Variants in NPNT observed in about 807,000 individuals in gnomAD.
NPNT encodes the protein nephronectin.
A neutral mutation model predicts 68.6 loss-of-function variants in NPNT; 45 were observed. The ratio of observed to expected loss-of-function variants is 0.66; its 90% CI spans 0.52 to 0.84. The LOEUF is 0.84. NPNT is among the 40% of genes least tolerant of loss of function. The pLI, the probability that NPNT is intolerant of heterozygous loss-of-function variation, is 0.00. For synonymous variants in NPNT, 233 were observed against 253.3 expected (o/e 0.92, Z 0.76); for missense variants, 672 against 714.8 (o/e 0.94, Z 0.68).
At chr4:105,909,140 A>G (rs1370864350) in intron 2 of NPNT, among the ~76,000 whole-genome samples, 1 of 152,188 alleles carries the variant, frequency 6.6e-6, no homozygotes, top group Non-Finnish European at 1.5e-5. Flanking sequence ...ATCATAGCTT[A>G]TGTTTAGTTG....
At chr4:105,916,739 T>A (rs879261898) in intron 2 of NPNT, among the ~76,000 whole-genome samples, 3 of 152,206 alleles carry the variant, frequency 2.0e-5, no homozygotes, top group Non-Finnish European at 4.4e-5. Flanking sequence ...TTATTTGTTC[T>A]GCTAGACTAT....
Position 105,969,197 on chromosome 4 carries a change from C to G in NPNT, c.*207C>G, listed in dbSNP as rs11733075. The G allele has an allele frequency of 0.01, 4,474 of 446,528 alleles. 34 individuals carry two copies. Among genetic ancestry groups the G allele is most frequent in the African/African-American group, 0.023 (1,178 of 51,488 alleles). 27.7% of individuals were successfully genotyped at this position (446,528 alleles called of 1,614,324 possible). On this transcript the variant is annotated 3_prime_UTR_variant, in exon 12 of 12. Transcript: ENST00000379987. ...TACCCTCCTTGAAATACAGGGGCAT[C>G]GCAGACACATCAAAGCCATCTGTGG...
intron 8 of NPNT, among the ~76,000 whole-genome samples, chr4:105,944,244 C>G (rs894528700): frequency 6.6e-6 from 1 of 152,132 alleles, no homozygotes; most frequent in African/African-American, 2.4e-5. Context: ...CCCCCTCTCT[C>G]CATCTCAGAT....
In NPNT at chr4:105,923,143, A is replaced by T. The variant is rs1454396134; in HGVS notation, c.173-4193A>T. Among the ~76,000 whole-genome samples, 7 of 152,186 alleles carry T rather than the reference A, an allele frequency of 4.6e-5. 1 individual carries two copies. The highest frequency in any genetic ancestry group is 4.6e-4 in the Admixed American group (7 of 15,282). On this transcript the variant is annotated intron_variant, in intron 2 of 11. Coordinates refer to ENST00000379987, the MANE Select transcript of NPNT (RefSeq NM_001033047.3). Reference sequence around the variant, plus strand: ...GGAAGGGATGACCTACTATTCACAGAGTAATGCAGTTTGCTGAAAAGGTTG... The same window carrying T: ...GGAAGGGATGACCTACTATTCACAGTGTAATGCAGTTTGCTGAAAAGGTTG...
intron 7 of NPNT, among the ~76,000 whole-genome samples, chr4:105,941,434 A>T (rs1161599850): frequency 6.6e-6 from 1 of 152,140 alleles, no homozygotes; most frequent in Non-Finnish European, 1.5e-5. Context: ...TTTTATTTGG[A>T]GTAGTGGTTA....
chr4:105,927,520 C>A, intron 3 of NPNT, 92 bp downstream of exon 3: 6 of 624,940 alleles, frequency 9.6e-6, no homozygotes, highest in South Asian at 2.9e-5. Context: ...CTTTCCATGG[C>A]TATTTTTCCA....
intron 7 of NPNT, 88 bp from the exon 8 acceptor site, chr4:105,942,219 C>T: frequency 1.0e-6 from 1 of 990,266 alleles, no homozygotes; most frequent in Non-Finnish European, 1.5e-6. Flanking sequence ...TACCAGTTGT[C>T]ATTAGATGTT....
At chr4:105,910,320 G>C (rs1205897260) in intron 2 of NPNT, among the ~76,000 whole-genome samples, 2 of 152,180 alleles carry the variant, frequency 1.3e-5, no homozygotes, top group Non-Finnish European at 2.9e-5. Flanking sequence ...TTGCCGGAGA[G>C]AGTTCTAGAA....
In NPNT at chr4:105,940,616, G is replaced by A; in HGVS notation, c.743G>A (p.Gly248Asp). 2.5e-6 allele frequency: 4 copies of A among 1,613,400 alleles called. No individual in the cohort carries two copies. The highest frequency in any genetic ancestry group is 2.2e-5 in the East Asian group (1 of 44,844). ...YKCKCKEGYQ[G>D]DGLTCVYIPK... ...TGCAAATGTAAAGAAGGATACCAGGGTGATGGACTGACTTGTGTGTGTGAG... is the reference window on the plus strand; with the variant it reads ...TGCAAATGTAAAGAAGGATACCAGGATGATGGACTGACTTGTGTGTGTGAG... Residue 248 changes from glycine (G) to aspartate (D), a missense_variant, in exon 7 of 12, where the codon GGT becomes GAT. By Grantham distance (94) the Gly-to-Asp change is moderately conservative. Transcript: ENST00000379987.
chr4:105,911,850 G>T, intron 2 of NPNT: 1 of 264,864 alleles, frequency 3.8e-6, no homozygotes, highest in Non-Finnish European at 7.3e-6. Context: ...ACTGTCTCTA[G>T]GAATCAGAAA....
chr4:105,898,380 C>CTT lies in NPNT; in HGVS notation c.172+379_172+380insTT, dbSNP rs58673636. ...TCTCTCTCTCTCTCTCTCTCTCTCTCGCTGACTCGCTTGCTCCAGGCTGGG... is the reference window on the plus strand; with the variant it reads ...TCTCTCTCTCTCTCTCTCTCTCTCTCTTGCTGACTCGCTTGCTCCAGGCTGGG... On this transcript the variant is annotated intron_variant, in intron 2 of 11. Coordinates refer to ENST00000379987, the MANE Select transcript of NPNT (RefSeq NM_001033047.3). Among the ~76,000 whole-genome samples the CTT allele has an allele frequency of 9.4e-4, 106 of 112,516 alleles. 3 individuals are homozygous for CTT. Among genetic ancestry groups the CTT allele is most frequent in the African/African-American group, 2.3e-3 (53 of 23,046 alleles). 73.8% of individuals were successfully genotyped at this position (112,516 alleles called of 152,430 possible).
At chr4:105,907,665 G>C (rs933564212) in intron 2 of NPNT, among the ~76,000 whole-genome samples, 1 of 152,120 alleles carries the variant, frequency 6.6e-6, no homozygotes, top group African/African-American at 2.4e-5. Context: ...CATATTGATG[G>C]TGCATCCCTG....
intron 3 of NPNT, among the ~76,000 whole-genome samples, chr4:105,936,644 T>C (rs569734813): frequency 1.3e-5 from 2 of 152,316 alleles, no homozygotes; most frequent in South Asian, 2.1e-4. Context: ...GATCTAGCAA[T>C]AGAACCCAAA....
At position 105,958,536 on chromosome 4, in the gene NPNT, G is replaced by A. The variant is rs778565408; in HGVS notation, c.1225G>A (p.Asp409Asn). ...FEIERGVSAD[D>N]EAKDDPGVLV... ...AATAGAAAGAGGAGTCAGTGCAGAC[G>A]ATGAAGCAAAGGATGATCCAGGTGA... Residue 409 changes from aspartate (D) to asparagine (N), a missense_variant, in exon 9 of 12, where the codon GAT becomes AAT. Coordinates refer to ENST00000379987, the MANE Select transcript of NPNT (RefSeq NM_001033047.3). 2.5e-6 allele frequency: 4 copies of A among 1,605,230 alleles called. No homozygotes were observed. Among genetic ancestry groups the A allele is most frequent in the South Asian group, 1.1e-5 (1 of 90,560 alleles).
chr4:105,899,255 G>A (rs141924275), intron 2 of NPNT, among the ~76,000 whole-genome samples: 12 of 152,262 alleles, frequency 7.9e-5, no homozygotes, highest in African/African-American at 2.6e-4. Flanking sequence ...TGCCTACCTG[G>A]TATGGAATTT....
intron 2 of NPNT, among the ~76,000 whole-genome samples, chr4:105,920,276 C>G (rs1728151814): frequency 6.6e-6 from 1 of 151,560 alleles, no homozygotes; most frequent in Non-Finnish European, 1.5e-5. Context: ...ATTCTAGCCT[C>G]CCTCCCCTAG....
chr4:105,955,445 G>T (rs540122092), intron 8 of NPNT, among the ~76,000 whole-genome samples: 1 of 152,204 alleles, frequency 6.6e-6, no homozygotes, highest in Non-Finnish European at 1.5e-5. Context: ...TTCTCTTTGA[G>T]TAACCAAAAT....
At chr4:105,955,157 T>C (rs1731121089) in intron 8 of NPNT, among the ~76,000 whole-genome samples, 1 of 152,222 alleles carries the variant, frequency 6.6e-6, no homozygotes, top group East Asian at 1.9e-4. Flanking sequence ...CTGCAGAGAA[T>C]AGCAGGTATG....
At chr4:105,951,785 G>T (rs1015424324) in intron 8 of NPNT, among the ~76,000 whole-genome samples, 12 of 152,146 alleles carry the variant, frequency 7.9e-5, no homozygotes, top group Non-Finnish European at 5.9e-5. Context: ...TCTCCAAAAC[G>T]TATAAATGGG....
Sources: allele counts gnomAD v4.1 joint callset (sites outside exome capture counted in the v4.1 genomes callset), GRCh38; gene constraint gnomAD v4.1.1; transcripts MANE v1.5; gene names NCBI Gene and HGNC (gene_info 2026-07-23, HGNC 2026-07-21).